The following ANTXR1 variants were observed in gnomAD, a reference collection of about 807,000 sequenced individuals.
The protein encoded by ANTXR1 is anthrax toxin receptor 1.
Under a neutral mutation model 78.1 loss-of-function variants are expected in ANTXR1, and 19 were observed. The ratio of observed to expected loss-of-function variants is 0.24; its 90% confidence interval spans 0.17 to 0.36. The LOEUF (loss-of-function observed/expected upper bound fraction) is 0.36. Among genes scored for constraint, ANTXR1 ranks in the 10% least tolerant of loss-of-function variants. ANTXR1 has a pLI of 1.00. For missense variants in ANTXR1, 518 were observed against 718.6 expected (o/e 0.72, Z 3.19); for synonymous variants, 273 against 260.5 (o/e 1.05, Z -0.46).
intron 13 of ANTXR1, among the ~76,000 whole-genome samples, chr2:69,165,921 T>A (rs949335406): frequency 6.6e-6 from 1 of 152,214 alleles, no homozygotes; most frequent in Non-Finnish European, 1.5e-5. Flanking sequence ...TAAAATCAAT[T>A]TATAAAGCCA....
intron 3 of ANTXR1, among the ~76,000 whole-genome samples, chr2:69,049,373 C>T (rs1349702085): frequency 1.3e-5 from 2 of 151,904 alleles, no homozygotes; most frequent in Non-Finnish European, 2.9e-5. Context: ...TGCAGTGGTG[C>T]GAACTCAGCT....
At chr2:69,057,772 C>T (rs1670109053) in intron 3 of ANTXR1, among the ~76,000 whole-genome samples, 1 of 152,120 alleles carries the variant, frequency 6.6e-6, no homozygotes, top group African/African-American at 2.4e-5. Context: ...AATGATTAAG[C>T]TTAGTGAGGA....
intron 10 of ANTXR1, among the ~76,000 whole-genome samples, chr2:69,110,192 TGA>T (rs1671934161): frequency 6.6e-6 from 1 of 152,162 alleles, no homozygotes; most frequent in East Asian, 1.9e-4. Flanking sequence ...TCATCATCAG[TGA>T]GAGACCATTA....
In ANTXR1 at chr2:69,151,140, C is replaced by CATT. The variant is rs200419533; in HGVS notation, c.952-1011_952-1009dup. Among the ~76,000 whole-genome samples, 101 of 141,358 alleles carry CATT rather than the reference C, an allele frequency of 7.1e-4. No homozygotes were observed. In the East Asian group the frequency reaches 8.0e-3, roughly 11 times the overall value. The allele number at this position is 141,358 out of a possible 152,430, so 92.7% of individuals were successfully genotyped here. ...CCCAATTGTTAACCATTTATGTTTT[C>CATT]ATTATTATTATTATTATTATCTGTA... On this transcript the variant is annotated intron_variant, in intron 12 of 17. Coordinates refer to ENST00000303714, the MANE Select transcript of ANTXR1 (RefSeq NM_032208.3).
chr2:69,054,836 C>CA (rs1164241292), intron 3 of ANTXR1, among the ~76,000 whole-genome samples: 1 of 152,072 alleles, frequency 6.6e-6, no homozygotes, highest in African/African-American at 2.4e-5. Context: ...GGATTCATTT[C>CA]ATTTTGAGGT....
At chr2:69,240,388 T>C (rs188702547) in intron 17 of ANTXR1, among the ~76,000 whole-genome samples, 2 of 152,226 alleles carry the variant, frequency 1.3e-5, no homozygotes, top group Non-Finnish European at 2.9e-5. Context: ...AACAAATATT[T>C]GTGGAGGGCA....
chr2:69,183,210 A>G (rs1195063120), intron 16 of ANTXR1, among the ~76,000 whole-genome samples: 1 of 152,088 alleles, frequency 6.6e-6, no homozygotes, highest in Non-Finnish European at 1.5e-5. Flanking sequence ...GCCTCCTGCC[A>G]GTGTATCAGG....
intron 17 of ANTXR1, among the ~76,000 whole-genome samples, chr2:69,203,144 C>T (rs1674815437): frequency 6.6e-6 from 1 of 152,118 alleles, no homozygotes; most frequent in Non-Finnish European, 1.5e-5. Context: ...TATCTGACAC[C>T]AGGTATAAGG....
At chr2:69,183,668 G>A (rs1332351692) in intron 16 of ANTXR1, among the ~76,000 whole-genome samples, 2 of 145,596 alleles carry the variant, frequency 1.4e-5, no homozygotes, top group East Asian at 2.1e-4. Flanking sequence ...GCCCACCTCG[G>A]CCTCCCAAAG....
At chr2:69,091,273 C>A (rs990783483) in intron 9 of ANTXR1, among the ~76,000 whole-genome samples, 1 of 151,866 alleles carries the variant, frequency 6.6e-6, no homozygotes, top group African/African-American at 2.4e-5. Flanking sequence ...AACCCCATCT[C>A]TACTAAAAAT....
chr2:69,149,121 G>A (rs192000276), intron 12 of ANTXR1, among the ~76,000 whole-genome samples: 20 of 152,234 alleles, frequency 1.3e-4, no homozygotes, highest in East Asian at 5.8e-4. Flanking sequence ...CAGTGCATTC[G>A]GGGGCTTTAT....
At chr2:69,075,523 G>C in intron 6 of ANTXR1, 67 bp from the exon 7 acceptor site, 6 of 1,473,046 alleles carry the variant, frequency 4.1e-6, no homozygotes, top group Non-Finnish European at 4.8e-6. Context: ...AAGTTAGTCA[G>C]GTAGCTCCAA....
chr2:69,158,474 G>C (rs1430398414), intron 13 of ANTXR1, among the ~76,000 whole-genome samples: 3 of 152,142 alleles, frequency 2.0e-5, no homozygotes, highest in South Asian at 2.1e-4. Flanking sequence ...ACCTGTTTTA[G>C]AGCATTTGCT....
At chr2:69,171,950 AATCTAAAGGGTT>A (rs1350138241) in intron 14 of ANTXR1, among the ~76,000 whole-genome samples, 1 of 152,232 alleles carries the variant, frequency 6.6e-6, no homozygotes, top group Non-Finnish European at 1.5e-5. Flanking sequence ...AGAATGCTTG[AATCTAAAGGGTT>A]ATGTTAGGCT....
intron 17 of ANTXR1, among the ~76,000 whole-genome samples, chr2:69,243,440 C>A (rs983697006): frequency 6.6e-6 from 1 of 151,968 alleles, no homozygotes; most frequent in African/African-American, 2.4e-5. Context: ...CTCAAGGAAG[C>A]AAAGGGTAAG....
At chr2:69,021,768 T>G (rs767090298) in intron 1 of ANTXR1, among the ~76,000 whole-genome samples, 1 of 152,240 alleles carries the variant, frequency 6.6e-6, no homozygotes, top group Non-Finnish European at 1.5e-5. Flanking sequence ...TAGCTTGCTT[T>G]GGCTTGAATA....
rs556728502 is a variant in ANTXR1, at chr2:69,248,279, T to G, written c.*2794T>G. On this transcript the variant is annotated 3_prime_UTR_variant, in exon 18 of 18. Transcript: ENST00000303714. ...TATTCCATGTGTTAGATGGAAGCAT[T>G]TCCTATCCAGTGTGAATAAAAAGAA... 6.0e-6 allele frequency: 1 copy of G among 167,114 alleles called. No individual in the cohort carries two copies. The highest frequency in any genetic ancestry group is 2.1e-4 in the South Asian group (1 of 4,818). 10.4% of individuals were successfully genotyped at this position (167,114 alleles called of 1,614,324 possible). A position where few individuals can be genotyped will look rare whatever the true frequency, so the allele number is the denominator to read the frequency against.
chr2:69,016,157 G>C (rs1671018622), intron 1 of ANTXR1, among the ~76,000 whole-genome samples: 1 of 152,310 alleles, frequency 6.6e-6, no homozygotes, highest in African/African-American at 2.4e-5. Flanking sequence ...TTCTATATCT[G>C]TGCAGTTCAA....
intron 12 of ANTXR1, among the ~76,000 whole-genome samples, chr2:69,129,849 G>C (rs991200286): frequency 6.6e-6 from 1 of 152,114 alleles, no homozygotes; most frequent in Non-Finnish European, 1.5e-5. Context: ...GATAAGTGAA[G>C]GCAAGAAGAG....
Sources: allele counts gnomAD v4.1 joint callset (sites outside exome capture counted in the v4.1 genomes callset), GRCh38; gene constraint gnomAD v4.1.1; transcripts MANE v1.5; gene names NCBI Gene and HGNC (gene_info 2026-07-23, HGNC 2026-07-21).